Variants in ORMDL1 observed in about 807,000 individuals in gnomAD.
The protein encoded by ORMDL1 is ORM1-like protein 1.
ORMDL1 carries 10 observed loss-of-function variants against 13.0 expected under a neutral mutation model. The ratio of observed to expected loss-of-function variants is 0.77; its 90% CI spans 0.47 to 1.30. The LOEUF (loss-of-function observed/expected upper bound fraction) is 1.30, where lower values mean the gene tolerates loss of function less well. ORMDL1 is among the 50% of genes most tolerant of loss of function. The pLI, the probability that ORMDL1 is intolerant of heterozygous loss-of-function variation, is 0.00. For missense variants in ORMDL1, 171 were observed against 186.7 expected (o/e 0.92, Z 0.49); for synonymous variants, 61 against 63.9 (o/e 0.95, Z 0.22).
intron 3 of ORMDL1, among the ~76,000 whole-genome samples, chr2:189,781,496 G>A (rs899728969): frequency 6.6e-6 from 1 of 152,044 alleles, no homozygotes; most frequent in African/African-American, 2.4e-5. Context: ...ACTCTGTAGA[G>A]CTAACACAAG....
In ORMDL1 at chr2:189,771,922, G is replaced by A. The variant is rs2047588064; in HGVS notation, c.327-20C>T. On this transcript the variant is annotated intron_variant, in intron 4 of 4. Transcript: ENST00000392349. Reference sequence around the variant, plus strand: ...AAATATCTGTAGAGATAAAAGTTAAGAATATATATAACATCCAAAAATAAA... The same window carrying A: ...AAATATCTGTAGAGATAAAAGTTAAAAATATATATAACATCCAAAAATAAA... 2.0e-6 allele frequency: 3 copies of A among 1,516,734 alleles called. No homozygotes were observed. The highest frequency in any genetic ancestry group is 2.8e-5 in the African/African-American group (2 of 70,440). 94.0% of individuals were successfully genotyped at this position (1,516,734 alleles called of 1,614,324 possible). A position where few individuals can be genotyped will look rare whatever the true frequency, so the allele number is the denominator to read the frequency against.
downstream of ORMDL1, among the ~76,000 whole-genome samples, chr2:189,766,970 G>GT (rs2047493365): frequency 6.6e-6 from 1 of 152,182 alleles, no homozygotes; most frequent in Non-Finnish European, 1.5e-5. Flanking sequence ...ATTCCATTGT[G>GT]TGTATATGTC....
chr2:189,771,940 A>C (rs1220294899), intron 4 of ORMDL1, 38 bp from the exon 5 acceptor site: 2 of 1,408,738 alleles, frequency 1.4e-6, no homozygotes, highest in Non-Finnish European at 1.9e-6. Context: ...ATAACATCCA[A>C]AAATAAAATT....
downstream of ORMDL1, among the ~76,000 whole-genome samples, chr2:189,767,872 AAAATT>A (rs1161240241): frequency 6.6e-6 from 1 of 152,246 alleles, no homozygotes; most frequent in African/African-American, 2.4e-5. Flanking sequence ...AGATTTTGAA[AAAATT>A]AAATACTATA....
Position 189,771,893 on chromosome 2 carries a change from C to T in ORMDL1, c.336G>A (p.Leu112=), listed in dbSNP as rs574869435. The change falls in exon 5 of 5, where the codon CTG becomes CTA. Residue 112 remains leucine, a synonymous_variant. Transcript: ENST00000392349. The part of the protein sequence containing the change: ...FTISPIILYF[L]ASFYTKYDPT... ...GATCATACTTCGTATAGAAACTTGC[C>T]AGAAAATATCTGTAGAGATAAAAGT... The T allele has an allele frequency of 8.8e-6, 14 of 1,585,516 alleles. No individual in the cohort carries two copies. In the East Asian group the frequency reaches 3.2e-4, roughly 36 times the overall value.
downstream of ORMDL1, among the ~76,000 whole-genome samples, chr2:189,767,121 C>T (rs148480418): frequency 4.7e-3 from 711 of 152,254 alleles, 7 homozygotes; most frequent in South Asian, 9.9e-3. Context: ...GGTATATACC[C>T]GGAAGTGGAA....
At chr2:189,779,397 T>C (rs2047771393) in intron 3 of ORMDL1, among the ~76,000 whole-genome samples, 1 of 152,204 alleles carries the variant, frequency 6.6e-6, no homozygotes, top group Non-Finnish European at 1.5e-5. Flanking sequence ...GGAGGAGCTA[T>C]GATCACGCCA....
chr2:189,779,488 G>A (rs938779225), intron 3 of ORMDL1, among the ~76,000 whole-genome samples: 2 of 152,198 alleles, frequency 1.3e-5, no homozygotes, highest in African/African-American at 2.4e-5. Context: ...AATAAAATGA[G>A]AGCAAGATGA....
At chr2:189,778,349 C>T (rs371149358) in intron 3 of ORMDL1, 8 of 448,242 alleles carry the variant, frequency 1.8e-5, no homozygotes, top group East Asian at 1.4e-4. Flanking sequence ...GAGCCAAGAT[C>T]GTGCCACTGT....
chr2:189,765,701 C>T (rs1247778923), downstream of ORMDL1: 1 of 152,078 alleles, frequency 6.6e-6, no homozygotes, highest in Non-Finnish European at 1.5e-5. Context: ...AAATACAGAA[C>T]AGAAACAATA....
At chr2:189,764,676 C>A in the ORMDL1 span, among the ~76,000 whole-genome samples, 1 of 152,078 alleles carries the variant, frequency 6.6e-6, no homozygotes, top group Non-Finnish European at 1.5e-5. Flanking sequence ...TGGGCATTCT[C>A]AAAAAATATG....
At chr2:189,775,502 C>G (rs1251968593) in intron 4 of ORMDL1, 63 bp downstream of exon 4, 3 of 1,455,738 alleles carry the variant, frequency 2.1e-6, no homozygotes, top group East Asian at 4.8e-5. Context: ...CCAATTCAAT[C>G]TGATGAAAAG....
intron 3 of ORMDL1, among the ~76,000 whole-genome samples, chr2:189,782,177 GTGATCT>G (rs529916200): frequency 2.1e-4 from 32 of 152,130 alleles, no homozygotes; most frequent in Non-Finnish European, 4.0e-4. Flanking sequence ...TCCTGACCTT[GTGATCT>G]GCCTGCCTTG....
chr2:189,764,265 T>A, the ORMDL1 span: 4 of 152,274 alleles, frequency 2.6e-5, no homozygotes, highest in Non-Finnish European at 5.9e-5. Context: ...TGGAATCCAG[T>A]TTGAACATAA....
At chr2:189,768,724 G>C (rs1273059262), downstream of ORMDL1, among the ~76,000 whole-genome samples, 1 of 152,056 alleles carries the variant, frequency 6.6e-6, no homozygotes, top group East Asian at 1.9e-4. Context: ...AAAGCATCCA[G>C]AACAGGGGAA....
chr2:189,766,464 G>A (rs961517322), downstream of ORMDL1, among the ~76,000 whole-genome samples: 3 of 151,900 alleles, frequency 2.0e-5, no homozygotes, highest in South Asian at 2.1e-4. Context: ...ACAGTGGCTC[G>A]CGCCTGTAAT....
At chr2:189,778,324 G>C (rs543355425) in intron 3 of ORMDL1, 8 of 444,698 alleles carry the variant, frequency 1.8e-5, no homozygotes, top group South Asian at 9.6e-5. Flanking sequence ...GAACCCAGGA[G>C]GGGGAGGTTG....
chr2:189,782,065 C>A (rs1201430189), intron 3 of ORMDL1, among the ~76,000 whole-genome samples: 3 of 152,050 alleles, frequency 2.0e-5, no homozygotes, highest in Non-Finnish European at 4.4e-5. Context: ...GCCTCAGCCT[C>A]CCGAGTAGCT....
intron 3 of ORMDL1, among the ~76,000 whole-genome samples, chr2:189,780,698 A>T (rs897631845): frequency 5.3e-5 from 8 of 152,216 alleles, no homozygotes; most frequent in Non-Finnish European, 8.8e-5. Context: ...ATGCCGGTGA[A>T]AGTGATCCTA....
Sources: gnomAD v4.1 joint callset for allele counts (sites outside exome capture counted in the v4.1 genomes callset) on GRCh38, gnomAD v4.1.1 for gene constraint, MANE v1.5 for transcripts, NCBI Gene and HGNC (gene_info 2026-07-23, HGNC 2026-07-21) for gene names.